Variants in SLC22A2 observed in about 807,000 individuals in gnomAD.
SLC22A2 encodes solute carrier family 22 member 2.
SLC22A2 carries 46 observed loss-of-function variants against 60.5 expected under a neutral mutation model. That is an observed-to-expected ratio of 0.76 (90% confidence interval 0.60 to 0.97). SLC22A2 has a LOEUF of 0.97. SLC22A2 is among the 50% of genes least tolerant of loss of function. The probability of loss-of-function intolerance (pLI) is 0.00; values close to 1 mark genes in which losing one functional copy is unlikely to be tolerated. For missense variants in SLC22A2, 701 were observed against 706.6 expected (o/e 0.99, Z 0.09); for synonymous variants, 303 against 267.0 (o/e 1.13, Z -1.31).
Position 160,250,545 on chromosome 6 carries a change from T to C in SLC22A2, c.673+3A>G. 1.9e-6 allele frequency: 3 copies of C among 1,613,964 alleles called. No individual in the cohort carries two copies. Among genetic ancestry groups the C allele is most frequent in the Non-Finnish European group, 2.5e-6 (3 of 1,179,842 alleles). On this transcript the variant is annotated splice_donor_region_variant and intron_variant, in intron 3 of 10. Transcript: ENST00000366953. ...TCACAGTTGCAAGCACAAACATTCT[T>C]ACTCAGGATGTAGCCTATTAACCAG...
In SLC22A2 at chr6:160,258,684, A is replaced by C; in HGVS notation, c.74T>G (p.Leu25Arg). Residue 25 changes from leucine (L) to arginine (R), a missense_variant, in exon 1 of 11, where the codon CTC becomes CGC. Transcript: ENST00000366953. ...FHFFQKQMFF[L>R]LALLSATFAP... is the part of the protein sequence containing the mutation. The stretch of plus-strand genomic sequence containing the variant: ...GAAGGTAGCCGAGAGCAGAGCCAAG[A>C]GGAAAAACATTTGCTTCTGGAAAAA... 1 of 1,609,444 alleles carries C rather than the reference A, an allele frequency of 6.2e-7. No homozygotes were observed. Among genetic ancestry groups the C allele is most frequent in the Non-Finnish European group, 8.5e-7 (1 of 1,177,514 alleles).
chr6:160,233,648 C>T (rs1782862008), intron 9 of SLC22A2, among the ~76,000 whole-genome samples: 1 of 151,810 alleles, frequency 6.6e-6, no homozygotes, highest in East Asian at 1.9e-4. Flanking sequence ...GACCTTGTGT[C>T]TTCTGTTTAG....
chr6:160,224,211 TGAAG>T (rs1782687172), intron 10 of SLC22A2, among the ~76,000 whole-genome samples: 1 of 152,116 alleles, frequency 6.6e-6, no homozygotes, highest in South Asian at 2.1e-4. Flanking sequence ...TCTCTTACTA[TGAAG>T]GAAGTTGAGC....
At chr6:160,246,808 G>A (rs771521015) in intron 5 of SLC22A2, among the ~76,000 whole-genome samples, 88 of 152,204 alleles carry the variant, frequency 5.8e-4, no homozygotes, top group Admixed American at 2.7e-3. Context: ...GAAATCATGT[G>A]TGTTTAAAGA....
chr6:160,253,995 T>C (rs1274297717), intron 2 of SLC22A2, among the ~76,000 whole-genome samples: 1 of 152,200 alleles, frequency 6.6e-6, no homozygotes, highest in Admixed American at 6.5e-5. Context: ...ATAGCACTTA[T>C]GGCCACATGC....
intron 9 of SLC22A2, among the ~76,000 whole-genome samples, chr6:160,238,152 A>T (rs1033754882): frequency 2.0e-5 from 3 of 152,216 alleles, no homozygotes; most frequent in African/African-American, 7.2e-5. Flanking sequence ...CTCGCCCTGA[A>T]TTCCTTCTTG....
chr6:160,249,579 C>T (rs1436757193), intron 3 of SLC22A2, among the ~76,000 whole-genome samples, 195 bp from the exon 4 acceptor site: 1 of 152,074 alleles, frequency 6.6e-6, no homozygotes, highest in Non-Finnish European at 1.5e-5. Context: ...ATTAATAAAT[C>T]TTATAGTCCC....
At chr6:160,254,128 A>C (rs1199160156) in intron 2 of SLC22A2, among the ~76,000 whole-genome samples, 1 of 152,100 alleles carries the variant, frequency 6.6e-6, no homozygotes, top group Non-Finnish European at 1.5e-5. Flanking sequence ...AAATACAAAA[A>C]TTAGCTGGGC....
chr6:160,245,972 ATTC>A (rs1442387826), intron 5 of SLC22A2, among the ~76,000 whole-genome samples: 5 of 151,334 alleles, frequency 3.3e-5, no homozygotes, highest in African/African-American at 4.9e-5. Context: ...GGCTCAAGGA[ATTC>A]TTCTGCCTCA....
intron 9 of SLC22A2, among the ~76,000 whole-genome samples, chr6:160,241,072 C>A (rs1053684247): frequency 2.0e-4 from 30 of 152,022 alleles, no homozygotes; most frequent in Non-Finnish European, 3.5e-4. Flanking sequence ...TGTTTTACCA[C>A]CTCTGGGCAT....
intron 2 of SLC22A2, among the ~76,000 whole-genome samples, chr6:160,256,054 C>A (rs955658176): frequency 1.8e-4 from 27 of 152,114 alleles, no homozygotes; most frequent in Non-Finnish European, 2.9e-4. Flanking sequence ...TGGACATTTA[C>A]CCCTCGTGTT....
intron 9 of SLC22A2, among the ~76,000 whole-genome samples, chr6:160,236,113 T>C (rs116172815): frequency 3.9e-5 from 6 of 152,010 alleles, no homozygotes; most frequent in Non-Finnish European, 8.8e-5. Context: ...ATTGTTGTTT[T>C]GTGTTGATCC....
intron 9 of SLC22A2, among the ~76,000 whole-genome samples, chr6:160,237,743 A>G (rs1562434260): frequency 6.6e-6 from 1 of 152,210 alleles, no homozygotes; most frequent in Non-Finnish European, 1.5e-5. Flanking sequence ...ACAGGGCTGC[A>G]TTCCCAGACA....
chr6:160,217,338 G>A lies in SLC22A2; in HGVS notation c.*94C>T, dbSNP rs1782556588. 1 of 748,222 alleles carries A rather than the reference G, an allele frequency of 1.3e-6. No homozygotes were observed. Among genetic ancestry groups the A allele is most frequent in the Non-Finnish European group, 2.3e-6 (1 of 444,422 alleles). The allele number at this position is 748,222 out of a possible 1,614,324, so 46.3% of individuals were successfully genotyped here. A position where few individuals can be genotyped will look rare whatever the true frequency, so the allele number is the denominator to read the frequency against. On this transcript the variant is annotated 3_prime_UTR_variant, in exon 11 of 11. Transcript: ENST00000366953. ...ATAGGGCTCAGGGGTAAGTTTGGTT[G>A]AGTTGTATGGGCTTTGTGATGAGTG...
At position 160,258,479 on chromosome 6, in the gene SLC22A2, C is replaced by T. The variant is rs1014024980; in HGVS notation, c.279G>A (p.Glu93=). The change falls in exon 1 of 11, where the codon GAG becomes GAA. Residue 93 remains glutamate, a synonymous_variant. Transcript: ENST00000366953. ...CGAAGGTGCTCTGGTTCCAGTCCACCTCGTAGCGCCTACACTGTCTTGGGG... is the reference window on the plus strand; with the variant it reads ...CGAAGGTGCTCTGGTTCCAGTCCACTTCGTAGCGCCTACACTGTCTTGGGG... ...EASPRQCRRY[E]VDWNQSTFDC... The T allele has an allele frequency of 1.2e-6, 2 of 1,614,050 alleles. No homozygotes were observed. The highest frequency in any genetic ancestry group is 2.2e-5 in the East Asian group (1 of 44,864).
intron 5 of SLC22A2, 112 bp from the exon 6 acceptor site, chr6:160,245,657 C>T (rs778570417): frequency 9.7e-6 from 5 of 513,616 alleles, no homozygotes; most frequent in Non-Finnish European, 1.7e-5. Context: ...TCATGCCCAG[C>T]ACTAGAGCAA....
rs186888267 is a variant in SLC22A2, at chr6:160,228,701, C to T, written c.1502-3897G>A. On this transcript the variant is annotated intron_variant, in intron 9 of 10. Coordinates refer to ENST00000366953, the MANE Select transcript of SLC22A2 (RefSeq NM_003058.4). ...GCCATCATATCCCCTGTGGCCTGCA[C>T]GTATATATCCAGATGGCCTGAAGTA... Among the ~76,000 whole-genome samples, 73 of 152,204 alleles carry T rather than the reference C, an allele frequency of 4.8e-4. No individual in the cohort carries two copies. The East Asian group carries it at 8.5e-3, about 18-fold the overall frequency.
rs200254093 is a variant in SLC22A2 at position 160,258,724 on chromosome 6, C to T, written c.34G>A (p.Gly12Arg). The change falls in exon 1 of 11, where the codon GGA becomes AGA. Residue 12 changes from glycine to arginine, a missense_variant. Coordinates refer to ENST00000366953, the MANE Select transcript of SLC22A2 (RefSeq NM_003058.4). ...TTCTGGAAAAAGTGAAACTCCCCTC[C>T]ATGCTCCAGGACATCGTCCACGGTG... ...PTTVDDVLEH[G>R]GEFHFFQKQM... The T allele has an allele frequency of 1.4e-5, 22 of 1,585,578 alleles. No individual in the cohort carries two copies. The East Asian group carries it at 4.9e-4, about 35-fold the overall frequency.
At chr6:160,232,704 C>A (rs1347464821) in intron 9 of SLC22A2, among the ~76,000 whole-genome samples, 1 of 151,822 alleles carries the variant, frequency 6.6e-6, no homozygotes, top group East Asian at 1.9e-4. Context: ...GCTAAAAAAG[C>A]AGCCATCAAA....
Sources: gnomAD v4.1 joint callset for allele counts (sites outside exome capture counted in the v4.1 genomes callset) on GRCh38, gnomAD v4.1.1 for gene constraint, MANE v1.5 for transcripts, NCBI Gene and HGNC (gene_info 2026-07-23, HGNC 2026-07-21) for gene names.